The following ANK2 variants were observed in gnomAD, a reference collection of about 807,000 sequenced individuals.
ANK2 encodes the protein ankyrin-2.
ANK2 carries 83 observed loss-of-function variants against 360.5 expected under a neutral mutation model. That is an observed-to-expected ratio of 0.23 (90% CI 0.19 to 0.28). The LOEUF is 0.28. Among genes scored for constraint, ANK2 ranks in the 10% least tolerant of loss-of-function variants. The pLI is 1.00. For missense variants in ANK2, 4,201 were observed against 4,795.7 expected (o/e 0.88, Z 3.66); for synonymous variants, 1,740 against 1,759.5 (o/e 0.99, Z 0.28).
intron 1 of ANK2, among the ~76,000 whole-genome samples, chr4:113,056,156 A>G (rs2069698310): frequency 6.6e-6 from 1 of 152,222 alleles, no homozygotes; most frequent in Admixed American, 6.5e-5. Flanking sequence ...AAACTTAAGT[A>G]AACAGCTGCC....
chr4:113,369,902 CA>C (rs954218838), intron 43 of ANK2, 97 bp downstream of exon 43: 4 of 1,507,314 alleles, frequency 2.7e-6, no homozygotes, highest in Non-Finnish European at 3.6e-6. Flanking sequence ...CACTTCAAAA[CA>C]AAAAAGTTAA....
intron 1 of ANK2, among the ~76,000 whole-genome samples, chr4:113,156,924 G>A (rs2097324429): frequency 6.6e-6 from 1 of 151,716 alleles, no homozygotes; most frequent in Admixed American, 6.6e-5. Flanking sequence ...TAAAGGCTAG[G>A]GAAGGCTATA....
intron 1 of ANK2, chr4:112,827,029 A>T (rs1286236573): frequency 7.1e-7 from 1 of 1,398,960 alleles, no homozygotes; most frequent in African/African-American, 1.4e-5. Context: ...ATTGGTAAAA[A>T]GCATGACATT....
chr4:113,117,256 C>A (rs1426555613), intron 1 of ANK2: 6 of 455,162 alleles, frequency 1.3e-5, no homozygotes, highest in South Asian at 9.3e-5. Context: ...GAAACTGATC[C>A]TCTGCTACTG....
At chr4:113,043,974 C>T (rs2063619617) in intron 2 of ANK2, among the ~76,000 whole-genome samples, 1 of 152,118 alleles carries the variant, frequency 6.6e-6, no homozygotes, top group Non-Finnish European at 1.5e-5. Flanking sequence ...CCCTGTAATT[C>T]CTTTTGGTTC....
At chr4:113,302,174 G>A (rs891481258) in intron 22 of ANK2, among the ~76,000 whole-genome samples, 3 of 152,144 alleles carry the variant, frequency 2.0e-5, no homozygotes, top group African/African-American at 7.2e-5. Context: ...CTGTACATGA[G>A]GAATGAAAGG....
intron 18 of ANK2, among the ~76,000 whole-genome samples, chr4:113,286,548 T>G (rs931492948): frequency 1.1e-4 from 16 of 152,206 alleles, no homozygotes; most frequent in Non-Finnish European, 4.4e-5. Context: ...ATGGCTTAGC[T>G]TTCTCAGCCT....
chr4:112,845,702 T>C (rs192144464), intron 1 of ANK2, among the ~76,000 whole-genome samples: 1 of 152,342 alleles, frequency 6.6e-6, no homozygotes, highest in Non-Finnish European at 1.5e-5. Flanking sequence ...GTGGGTTTAA[T>C]ATTGCCATCA....
intron 1 of ANK2, among the ~76,000 whole-genome samples, chr4:113,098,240 A>G (rs2092027774): frequency 6.6e-6 from 1 of 151,966 alleles, no homozygotes; most frequent in African/African-American, 2.4e-5. Flanking sequence ...AATTTAAAAC[A>G]ATAGAGTAAA....
chr4:113,200,966 A>G (rs1312219599), intron 4 of ANK2, among the ~76,000 whole-genome samples: 1 of 152,144 alleles, frequency 6.6e-6, no homozygotes, highest in Admixed American at 6.5e-5. Flanking sequence ...CAGCAAACCA[A>G]TATGGTACAT....
At chr4:113,028,806 T>C (rs139300892) in intron 2 of ANK2, among the ~76,000 whole-genome samples, 156 of 152,164 alleles carry the variant, frequency 1.0e-3, no homozygotes, top group African/African-American at 3.6e-3. Context: ...GTTTCCACAA[T>C]GAGGAAAAAT....
intron 2 of ANK2, among the ~76,000 whole-genome samples, chr4:112,952,306 A>G (rs965555085): frequency 2.0e-5 from 3 of 152,238 alleles, no homozygotes; most frequent in African/African-American, 7.2e-5. Context: ...TTTAAAATGT[A>G]TATTTCACTA....
chr4:112,870,669 A>G (rs1026883395), intron 1 of ANK2, among the ~76,000 whole-genome samples: 25 of 152,208 alleles, frequency 1.6e-4, no homozygotes, highest in Admixed American at 1.6e-3. Context: ...ATGTTTATCC[A>G]TGCCTGTAGT....
At chr4:113,300,209 ACT>A (rs2074230549) in intron 22 of ANK2, among the ~76,000 whole-genome samples, 1 of 152,092 alleles carries the variant, frequency 6.6e-6, no homozygotes, top group Admixed American at 6.5e-5. Flanking sequence ...AGTGAATAAG[ACT>A]CTGAATAAAA....
At chr4:113,299,210 A>G (rs2073609795) in intron 22 of ANK2, among the ~76,000 whole-genome samples, 1 of 152,212 alleles carries the variant, frequency 6.6e-6, no homozygotes, top group Non-Finnish European at 1.5e-5. Flanking sequence ...TCAGCACCTG[A>G]AAATAGAAAC....
At chr4:113,235,302 A>G (rs1025129976) in intron 5 of ANK2, among the ~76,000 whole-genome samples, 9 of 152,182 alleles carry the variant, frequency 5.9e-5, no homozygotes, top group Non-Finnish European at 1.0e-4. Context: ...AAGATACTAC[A>G]TGCTTTACTC....
intron 2 of ANK2, among the ~76,000 whole-genome samples, chr4:113,003,686 T>C (rs2051648508): frequency 6.6e-6 from 1 of 152,170 alleles, no homozygotes; most frequent in Non-Finnish European, 1.5e-5. Context: ...GATCTTGTGT[T>C]ACACCACAGT....
chr4:113,125,897 T>C (rs1370084321), intron 1 of ANK2, among the ~76,000 whole-genome samples: 1 of 152,200 alleles, frequency 6.6e-6, no homozygotes. Context: ...TTTTTGTTTA[T>C]ATGACGCAAG....
chr4:113,233,900 C>A (rs362462), intron 5 of ANK2, among the ~76,000 whole-genome samples: 41,973 of 151,938 alleles, frequency 0.28, 6,213 homozygotes, highest in East Asian at 0.48. Context: ...TTTTTTCCCT[C>A]AGACACTAGT....
Sources: gnomAD v4.1 joint callset for allele counts (sites outside exome capture counted in the v4.1 genomes callset) on GRCh38, gnomAD v4.1.1 for gene constraint, MANE v1.5 for transcripts, NCBI Gene and HGNC (gene_info 2026-07-23, HGNC 2026-07-21) for gene names.